SIN3A: variants seen among roughly 807,000 people sequenced by gnomAD.
SIN3A encodes paired amphipathic helix protein Sin3a.
A neutral mutation model predicts 146.1 loss-of-function variants in SIN3A; 14 were observed. The ratio of observed to expected loss-of-function variants is 0.10; its 90% confidence interval spans 0.06 to 0.15. The LOEUF is 0.15. SIN3A is among the 10% of genes least tolerant of loss of function. SIN3A has a pLI of 1.00. For missense variants in SIN3A, 1,028 were observed against 1,576.0 expected, an observed-to-expected ratio of 0.65 and a Z score of 5.89; for synonymous variants, 572 against 572.0, an observed-to-expected ratio of 1.00 and a Z score of 0.00.
At chr15:75,376,401 A>T (rs2072855989) in intron 19 of SIN3A, 1 of 161,010 alleles carries the variant, frequency 6.2e-6, no homozygotes, top group Non-Finnish European at 1.4e-5. Flanking sequence ...GACTATTTTT[A>T]AAAATTCCCC....
chr15:75,417,378 C>G (rs1381546135), intron 3 of SIN3A, among the ~76,000 whole-genome samples: 1 of 140,880 alleles, frequency 7.1e-6, no homozygotes, highest in African/African-American at 2.6e-5. Flanking sequence ...CAGTCTTTTT[C>G]TTTTTTTTTT....
At chr15:75,434,848 T>C (rs1338249399) in intron 1 of SIN3A, among the ~76,000 whole-genome samples, 2 of 150,798 alleles carry the variant, frequency 1.3e-5, no homozygotes, top group East Asian at 3.9e-4. Context: ...CTCGAGAGGC[T>C]GAGGCAGGAA....
At chr15:75,414,986 A>G (rs1036918613) in intron 3 of SIN3A, among the ~76,000 whole-genome samples, 1 of 152,194 alleles carries the variant, frequency 6.6e-6, no homozygotes, top group Non-Finnish European at 1.5e-5. Flanking sequence ...TAACAAAATG[A>G]GACAGAAAAA....
chr15:75,390,292 C>A (rs1429061165), intron 15 of SIN3A, among the ~76,000 whole-genome samples: 2 of 152,196 alleles, frequency 1.3e-5, no homozygotes, highest in Admixed American at 6.5e-5. Flanking sequence ...CACTGGGAAA[C>A]CTCTTGGGAA....
At chr15:75,402,070 A>G (rs2073422146) in intron 9 of SIN3A, 100 bp from the exon 10 acceptor site, 3 of 740,424 alleles carry the variant, frequency 4.1e-6, no homozygotes, top group Admixed American at 2.1e-5. Flanking sequence ...GCAGTTGTGT[A>G]ATCTCAGCTC....
chr15:75,418,449 C>T (rs558312568), intron 3 of SIN3A, among the ~76,000 whole-genome samples: 178 of 152,114 alleles, frequency 1.2e-3, no homozygotes, highest in African/African-American at 4.1e-3. Flanking sequence ...CCTCAGCCTC[C>T]AGAGTAACTG....
chr15:75,415,902 T>C, intron 3 of SIN3A: 1 of 193,372 alleles, frequency 5.2e-6, no homozygotes, highest in South Asian at 7.7e-5. Flanking sequence ...AGAGAGGAGG[T>C]ACCCAAAGGG....
At chr15:75,411,180 T>C (rs1205133547) in intron 6 of SIN3A, among the ~76,000 whole-genome samples, 4 of 151,922 alleles carry the variant, frequency 2.6e-5, no homozygotes, top group African/African-American at 9.7e-5. Context: ...TACAAAAAAT[T>C]AGCTGGGCGT....
At chr15:75,447,387 GTC>G (rs1420100486) in intron 1 of SIN3A, among the ~76,000 whole-genome samples, 1 of 152,234 alleles carries the variant, frequency 6.6e-6, no homozygotes, top group Non-Finnish European at 1.5e-5. Flanking sequence ...AGTCAACAAT[GTC>G]TCTTAGTTAT....
At chr15:75,403,606 T>C in intron 9 of SIN3A, among the ~76,000 whole-genome samples, 1 of 149,764 alleles carries the variant, frequency 6.7e-6, no homozygotes. Context: ...AATGGCGCGA[T>C]CTCAGCTCAC....
intron 14 of SIN3A, among the ~76,000 whole-genome samples, chr15:75,393,426 G>A (rs1187075693): frequency 6.6e-6 from 1 of 152,162 alleles, no homozygotes; most frequent in African/African-American, 2.4e-5. Context: ...ACCCAGGCTG[G>A]AGTGCAGTGG....
At chr15:75,447,342 T>G (rs1396682437) in intron 1 of SIN3A, among the ~76,000 whole-genome samples, 1 of 152,126 alleles carries the variant, frequency 6.6e-6, no homozygotes, top group Non-Finnish European at 1.5e-5. Flanking sequence ...GCAGTAAAAT[T>G]TACTGATGGA....
At position 75,411,659 on chromosome 15, in the gene SIN3A, G is replaced by A; in HGVS notation, c.841C>T (p.Gln281Ter). Residue 281 changes from glutamine to a stop codon, truncating the protein, a stop_gained, in exon 6 of 21, where the codon CAG becomes TAG. Transcript: ENST00000394947. LOFTEE classifies it high-confidence loss of function. ...PYASPRSPPV[Q>*]PHTPVTISLG... ...GAGATTGTCACTGGTGTGTGAGGCT[G>A]GACCGGCGGAGAACGTGGGGATGCA... The A allele has an allele frequency of 6.2e-7, 1 of 1,614,032 alleles. No homozygotes were observed. The highest frequency in any genetic ancestry group is 2.2e-5 in the East Asian group (1 of 44,896).
At chr15:75,409,553 C>T (rs2073588060) in intron 8 of SIN3A, among the ~76,000 whole-genome samples, 1 of 151,034 alleles carries the variant, frequency 6.6e-6, no homozygotes, top group Non-Finnish European at 1.5e-5. Context: ...GGTGAAACCC[C>T]GTCTCCACTA....
Position 75,396,472 on chromosome 15 carries a change from G to A in SIN3A, c.1879C>T (p.Leu627=), listed in dbSNP as rs925041084. The A allele has an allele frequency of 6.2e-7, 1 of 1,613,698 alleles. No homozygotes were observed. Among genetic ancestry groups the A allele is most frequent in the Non-Finnish European group, 8.5e-7 (1 of 1,179,824 alleles). ...GCTTCCAGAACCCGGATTGTTGCCA[G>A]ATTGGTCTCTAAAACTACATCAAGC... The part of the protein sequence containing the change: ...FELDVVLETN[L]ATIRVLEAIQ... The change falls in exon 13 of 21, where the codon CTG becomes TTG. Residue 627 remains leucine, a synonymous_variant. Transcript: ENST00000394947.
chr15:75,446,255 AG>A (rs1368054493), intron 1 of SIN3A: 2 of 151,554 alleles, frequency 1.3e-5, no homozygotes, highest in African/African-American at 2.4e-5. Flanking sequence ...TTCTGAGTAA[AG>A]GAAGTGAGGG....
At chr15:75,446,658 A>G (rs537101389) in intron 1 of SIN3A, among the ~76,000 whole-genome samples, 1 of 151,782 alleles carries the variant, frequency 6.6e-6, no homozygotes, top group East Asian at 2.0e-4. Flanking sequence ...TGCTTGGCTA[A>G]TTTTTAATTT....
rs1179805244 is a variant in SIN3A at position 75,425,079 on chromosome 15, G to C, written c.190-2256C>G. On this transcript the variant is annotated intron_variant, in intron 2 of 20. Transcript: ENST00000394947. ...AATAATAAAAGCACATTACAAAGCA[G>C]TATGATAAAAAGATTTCAAACCTTA... Among the ~76,000 whole-genome samples the C allele has an allele frequency of 3.0e-4, 46 of 152,212 alleles. 2 individuals carry two copies. Among genetic ancestry groups the C allele is most frequent in the Admixed American group, 3.0e-3 (46 of 15,286 alleles).
At chr15:75,408,397 T>C (rs2073560400) in intron 8 of SIN3A, among the ~76,000 whole-genome samples, 1 of 152,250 alleles carries the variant, frequency 6.6e-6, no homozygotes, top group East Asian at 1.9e-4. Flanking sequence ...TAACACCTAG[T>C]ACGTCAGACC....
Sources: allele counts gnomAD v4.1 joint callset (sites outside exome capture counted in the v4.1 genomes callset), GRCh38; gene constraint gnomAD v4.1.1; transcripts MANE v1.5; gene names NCBI Gene and HGNC (gene_info 2026-07-23, HGNC 2026-07-21).